The following WDR72 variants were observed in gnomAD, a reference collection of about 807,000 sequenced individuals.
The protein encoded by WDR72 is WD repeat domain 72.
In WDR72, 120 loss-of-function variants were observed where a neutral mutation model predicts 124.2. That is an observed-to-expected ratio of 0.97 (90% CI 0.83 to 1.12). WDR72 has a LOEUF of 1.12. WDR72 is among the 50% of genes most tolerant of loss of function. The pLI, the probability that WDR72 is intolerant of heterozygous loss-of-function variation, is 0.00. For missense variants in WDR72, 1,387 were observed against 1,278.8 expected, an observed-to-expected ratio of 1.08 and a Z score of -1.29; for synonymous variants, 452 against 441.7, an observed-to-expected ratio of 1.02 and a Z score of -0.29.
intron 14 of WDR72, among the ~76,000 whole-genome samples, chr15:53,631,454 T>C (rs766848174): frequency 5.9e-5 from 9 of 152,062 alleles, no homozygotes; most frequent in African/African-American, 2.2e-4. Context: ...ACACAGAAAA[T>C]TGTCACTGAG....
intron 17 of WDR72, among the ~76,000 whole-genome samples, chr15:53,606,744 C>T (rs2013301705): frequency 6.6e-6 from 1 of 151,980 alleles, no homozygotes; most frequent in Admixed American, 6.6e-5. Context: ...AATTCTAGCC[C>T]AAGAGAACAG....
chr15:53,564,070 A>G (rs1349780230), intron 18 of WDR72, among the ~76,000 whole-genome samples: 1 of 151,856 alleles, frequency 6.6e-6, no homozygotes, highest in African/African-American at 2.4e-5. Flanking sequence ...ATGCAGACCA[A>G]TCACAGAGTC....
chr15:53,591,491 T>C lies in WDR72; in HGVS notation c.3148+5588A>G, dbSNP rs112426070. Among the ~76,000 whole-genome samples, 23 of 152,170 alleles carry C rather than the reference T, an allele frequency of 1.5e-4. 2 individuals are homozygous for C. Among genetic ancestry groups the C allele is most frequent in the African/African-American group, 5.5e-4 (23 of 41,548 alleles). On this transcript the variant is annotated intron_variant, in intron 18 of 19. Transcript: ENST00000360509. ...GCTCAATCCACCCAAAAGTTTTAAG[T>C]GAGACATTTTCTTGTAGAAAGTAAC...
intron 19 of WDR72, 77 bp from the exon 20 acceptor site, chr15:53,517,831 A>T: frequency 1.5e-6 from 2 of 1,356,146 alleles, no homozygotes; most frequent in Non-Finnish European, 2.1e-6. Context: ...AGAGGAGGGG[A>T]GGGAGAGAGG....
At chr15:53,524,111 G>A (rs1480083164) in intron 18 of WDR72, among the ~76,000 whole-genome samples, 2 of 151,946 alleles carry the variant, frequency 1.3e-5, no homozygotes, top group African/African-American at 4.8e-5. Context: ...ATTTGTTCTA[G>A]AAAATATTTG....
At chr15:53,648,110 A>G (rs10518733) in intron 14 of WDR72, among the ~76,000 whole-genome samples, 2 of 151,964 alleles carry the variant, frequency 1.3e-5, no homozygotes, top group African/African-American at 4.8e-5. Flanking sequence ...TCATGATCCA[A>G]TTTTGGTCTA....
At chr15:53,653,916 A>G (rs2015328037) in intron 14 of WDR72, among the ~76,000 whole-genome samples, 2 of 152,132 alleles carry the variant, frequency 1.3e-5, no homozygotes, top group African/African-American at 4.8e-5. Flanking sequence ...TACTAAATAG[A>G]AATTTGAATT....
chr15:53,700,361 A>G (rs1472378018), intron 12 of WDR72, among the ~76,000 whole-genome samples: 1 of 152,192 alleles, frequency 6.6e-6, no homozygotes, highest in Non-Finnish European at 1.5e-5. Context: ...TTTCCACTTA[A>G]AGCCTCAAAA....
chr15:53,760,844 C>G (rs1426544636), upstream of WDR72, among the ~76,000 whole-genome samples: 5 of 152,136 alleles, frequency 3.3e-5, no homozygotes, highest in Non-Finnish European at 7.3e-5. Context: ...GGGCAAAAGG[C>G]CAGACACAAT....
At chr15:53,736,404 G>A (rs1399495491) in intron 1 of WDR72, among the ~76,000 whole-genome samples, 1 of 152,164 alleles carries the variant, frequency 6.6e-6, no homozygotes, top group Non-Finnish European at 1.5e-5. Context: ...AGGGCTGTCT[G>A]GCACTGGGTA....
At chr15:53,701,280 G>A (rs1164084992) in intron 12 of WDR72, among the ~76,000 whole-genome samples, 2 of 152,170 alleles carry the variant, frequency 1.3e-5, no homozygotes, top group African/African-American at 2.4e-5. Context: ...AATAGCTGAT[G>A]CCTGTAATCC....
chr15:53,743,798 A>G (rs1037118343), intron 1 of WDR72, among the ~76,000 whole-genome samples: 13 of 151,994 alleles, frequency 8.6e-5, no homozygotes, highest in African/African-American at 3.1e-4. Flanking sequence ...AACAGGTGAA[A>G]CCCCGTCTCT....
intron 18 of WDR72, among the ~76,000 whole-genome samples, chr15:53,580,351 G>C (rs570416976): frequency 6.6e-6 from 1 of 152,198 alleles, no homozygotes; most frequent in South Asian, 2.1e-4. Flanking sequence ...TATTGATTGA[G>C]AATGCAGGAG....
At chr15:53,705,360 C>T in intron 10 of WDR72, 127 bp from the exon 11 acceptor site, 1 of 831,176 alleles carries the variant, frequency 1.2e-6, no homozygotes, top group Non-Finnish European at 2.0e-6. Context: ...ATTCATATTG[C>T]CAGCATTCAT....
intron 18 of WDR72, among the ~76,000 whole-genome samples, chr15:53,575,003 C>T (rs947496490): frequency 1.3e-5 from 1 of 75,636 alleles, no homozygotes; most frequent in Non-Finnish European, 2.6e-5. Context: ...GAAAATCAAA[C>T]ACAACACACA....
At chr15:53,643,754 G>A (rs1464911693) in intron 14 of WDR72, among the ~76,000 whole-genome samples, 1 of 151,896 alleles carries the variant, frequency 6.6e-6, no homozygotes, top group East Asian at 1.9e-4. Flanking sequence ...GCGTGTGTGT[G>A]TAGAAAGAGA....
intron 13 of WDR72, among the ~76,000 whole-genome samples, chr15:53,686,389 A>G (rs570875180): frequency 1.0e-3 from 152 of 150,784 alleles, no homozygotes; most frequent in African/African-American, 3.7e-3. Flanking sequence ...ATGGAAAACA[A>G]AAAAAGGCAG....
At chr15:53,617,843 CA>C (rs1170324066) in intron 14 of WDR72, among the ~76,000 whole-genome samples, 1 of 151,710 alleles carries the variant, frequency 6.6e-6, no homozygotes, top group Non-Finnish European at 1.5e-5. Context: ...CAGGAGAAAA[CA>C]AAACAATAGG....
At chr15:53,712,488 A>G (rs2017569341) in intron 7 of WDR72, among the ~76,000 whole-genome samples, 1 of 150,860 alleles carries the variant, frequency 6.6e-6, no homozygotes, top group African/African-American at 2.4e-5. Context: ...CCCAGCTACT[A>G]GGAGGCTGAG....
Sources: gnomAD v4.1 joint callset for allele counts (sites outside exome capture counted in the v4.1 genomes callset) on GRCh38, gnomAD v4.1.1 for gene constraint, MANE v1.5 for transcripts, NCBI Gene and HGNC (gene_info 2026-07-23, HGNC 2026-07-21) for gene names.